METTL15: variants seen among roughly 807,000 people sequenced by gnomAD.
METTL15 encodes 12S rRNA N(4)-cytidine methyltransferase METTL15.
METTL15 carries 34 observed loss-of-function variants against 38.3 expected under a neutral mutation model. The ratio of observed to expected loss-of-function variants is 0.89; its 90% CI spans 0.68 to 1.18. METTL15 has a LOEUF of 1.18. METTL15 is among the 50% of genes most tolerant of loss of function. The probability of loss-of-function intolerance (pLI) is 0.00; values close to 1 mark genes in which losing one functional copy is unlikely to be tolerated. For missense variants in METTL15, 438 were observed against 498.4 expected (o/e 0.88, Z 1.15); for synonymous variants, 162 against 170.9 (o/e 0.95, Z 0.41).
chr11:28,476,708 G>GGTAGGTTGGTA (rs1233970301), intron 6 of METTL15, among the ~76,000 whole-genome samples: 3 of 152,130 alleles, frequency 2.0e-5, no homozygotes, highest in Non-Finnish European at 4.4e-5. Context: ...TCCTACCCTG[G>GGTAGGTTGGTA]TCACATGTTG....
intron 6 of METTL15, among the ~76,000 whole-genome samples, chr11:28,440,648 T>C (rs983887365): frequency 1.3e-5 from 2 of 152,226 alleles, no homozygotes; most frequent in African/African-American, 4.8e-5. Flanking sequence ...AAGATGCTTA[T>C]CTATCTAAAG....
chr11:28,243,480 T>TA (rs1447844046), intron 4 of METTL15, among the ~76,000 whole-genome samples: 1 of 152,230 alleles, frequency 6.6e-6, no homozygotes, highest in Non-Finnish European at 1.5e-5. Flanking sequence ...CCTGATTTAA[T>TA]AAAAATAGTA....
chr11:28,210,994 T>C (rs1852611276), intron 3 of METTL15, 68 bp from the exon 4 acceptor site: 1 of 1,460,942 alleles, frequency 6.8e-7, no homozygotes, highest in Non-Finnish European at 9.2e-7. Context: ...CTTCTAGAAA[T>C]TGAGATAGTT....
intron 3 of METTL15, among the ~76,000 whole-genome samples, chr11:28,133,996 C>T (rs991104612): frequency 2.6e-5 from 4 of 152,256 alleles, no homozygotes; most frequent in South Asian, 2.1e-4. Context: ...CATTACTATA[C>T]GAGTGACCAA....
intron 3 of METTL15, among the ~76,000 whole-genome samples, chr11:28,350,355 C>T (rs1850030450): frequency 6.6e-6 from 1 of 152,126 alleles, no homozygotes. Context: ...GGGTAGAATT[C>T]CTATTTCACA....
chr11:28,378,910 G>C (rs117491456), intron 5 of METTL15, among the ~76,000 whole-genome samples: 1 of 151,714 alleles, frequency 6.6e-6, no homozygotes, highest in Non-Finnish European at 1.5e-5. Flanking sequence ...CTAGTTATTC[G>C]TTTGGTGAGG....
At chr11:28,246,857 A>C (rs1854535816) in intron 4 of METTL15, among the ~76,000 whole-genome samples, 1 of 152,168 alleles carries the variant, frequency 6.6e-6, no homozygotes, top group East Asian at 1.9e-4. Flanking sequence ...TAATCACTTG[A>C]CATGTGGCTC....
chr11:28,433,222 G>T (rs1329212886), intron 6 of METTL15, among the ~76,000 whole-genome samples: 2 of 130,356 alleles, frequency 1.5e-5, no homozygotes, highest in African/African-American at 5.3e-5. Flanking sequence ...CTCATTTGTT[G>T]TCAATTTATC....
Position 28,318,272 on chromosome 11 carries a change from G to T in METTL15, c.779-12124G>T, listed in dbSNP as rs536814330. Reference sequence around the variant, plus strand: ...TGTACCAGGCCTTAAAATGGATTGGGGAAGTAAAGGAAAGTAAGAAAAGAT... The same window carrying T: ...TGTACCAGGCCTTAAAATGGATTGGTGAAGTAAAGGAAAGTAAGAAAAGAT... On this transcript the variant is annotated intron_variant, in intron 6 of 6. Transcript: ENST00000407364. 2.2e-4 allele frequency among the ~76,000 whole-genome samples: 33 copies of T among 152,192 alleles called. No individual in the cohort carries two copies. In the South Asian group the frequency reaches 2.5e-3, roughly 11 times the overall value.
intron 4 of METTL15, among the ~76,000 whole-genome samples, chr11:28,257,544 T>C (rs1024200462): frequency 2.6e-5 from 4 of 152,216 alleles, no homozygotes; most frequent in Admixed American, 2.6e-4. Context: ...CCTTTGGGGC[T>C]ATTATCTACA....
At chr11:28,471,950 G>T (rs777970020) in intron 6 of METTL15, among the ~76,000 whole-genome samples, 1 of 152,190 alleles carries the variant, frequency 6.6e-6, no homozygotes, top group East Asian at 1.9e-4. Context: ...TCTGAATGAC[G>T]CAAGGTTGAG....
At chr11:28,318,727 C>A (rs558135860) in intron 6 of METTL15, among the ~76,000 whole-genome samples, 32 of 152,066 alleles carry the variant, frequency 2.1e-4, no homozygotes, top group Admixed American at 9.2e-4. Flanking sequence ...GAATATTAAG[C>A]ACTCATTTTT....
chr11:28,210,886 C>T (rs567164796), intron 3 of METTL15, among the ~76,000 whole-genome samples, 176 bp from the exon 4 acceptor site: 10 of 152,074 alleles, frequency 6.6e-5, no homozygotes, highest in East Asian at 5.8e-4. Flanking sequence ...ACTTATCACT[C>T]ATAATTGAGC....
intron 5 of METTL15, among the ~76,000 whole-genome samples, chr11:28,296,063 A>AT (rs1177643701): frequency 1.3e-5 from 2 of 152,082 alleles, no homozygotes; most frequent in African/African-American, 4.8e-5. Context: ...AGAGGTTGGT[A>AT]TTTTTTATTC....
intron 3 of METTL15, among the ~76,000 whole-genome samples, chr11:28,190,796 A>G (rs1019698141): frequency 4.0e-5 from 6 of 151,434 alleles, no homozygotes; most frequent in Admixed American, 1.3e-4. Flanking sequence ...AATACAAATT[A>G]AAATGTTAGC....
At chr11:28,155,123 A>G (rs963948368) in intron 3 of METTL15, among the ~76,000 whole-genome samples, 11 of 152,162 alleles carry the variant, frequency 7.2e-5, no homozygotes, top group African/African-American at 2.7e-4. Context: ...GTAGCATTTT[A>G]TGGGAAACTG....
At chr11:28,125,667 AT>A (rs1486806389) in intron 3 of METTL15, 1 of 152,118 alleles carries the variant, frequency 6.6e-6, no homozygotes, top group East Asian at 1.9e-4. Context: ...TATTGGTTAA[AT>A]AAGGTAACTA....
At chr11:28,196,583 CT>C (rs1851917724) in intron 3 of METTL15, among the ~76,000 whole-genome samples, 1 of 151,724 alleles carries the variant, frequency 6.6e-6, no homozygotes, top group Non-Finnish European at 1.5e-5. Context: ...TTTATCAAAT[CT>C]AGGGGTCTTT....
intron 3 of METTL15, among the ~76,000 whole-genome samples, chr11:28,160,969 G>A (rs1017997430): frequency 6.6e-6 from 1 of 151,672 alleles, no homozygotes; most frequent in Non-Finnish European, 1.5e-5. Context: ...AATACAGTCA[G>A]AAATACACAC....
Sources: gnomAD v4.1 joint callset for allele counts (sites outside exome capture counted in the v4.1 genomes callset) on GRCh38, gnomAD v4.1.1 for gene constraint, MANE v1.5 for transcripts, NCBI Gene and HGNC (gene_info 2026-07-23, HGNC 2026-07-21) for gene names.